The following KIAA2012 variants were observed in gnomAD, a reference collection of about 807,000 sequenced individuals.
KIAA2012 encodes the protein KIAA2012.
KIAA2012 carries 125 observed loss-of-function variants against 150.6 expected under a neutral mutation model. The ratio of observed to expected loss-of-function variants is 0.83; its 90% confidence interval spans 0.72 to 0.96. The LOEUF (loss-of-function observed/expected upper bound fraction) is 0.96, where lower values mean the gene tolerates loss of function less well. Ranked by LOEUF, KIAA2012 falls within the 40% of genes least tolerant of loss-of-function variation. The pLI is 0.00. For missense variants in KIAA2012, 1,219 were observed against 1,354.9 expected (o/e 0.90, Z 1.57); for synonymous variants, 462 against 504.7 (o/e 0.92, Z 1.13).
intron 15 of KIAA2012, among the ~76,000 whole-genome samples, chr2:202,174,201 G>T (rs1251507882): frequency 6.6e-6 from 1 of 152,144 alleles, no homozygotes; most frequent in African/African-American, 2.4e-5. Context: ...CTGACCCCAG[G>T]TGATCCACCC....
intron 13 of KIAA2012, among the ~76,000 whole-genome samples, chr2:202,151,194 C>G (rs910284064): frequency 2.6e-5 from 4 of 152,036 alleles, no homozygotes; most frequent in Non-Finnish European, 5.9e-5. Flanking sequence ...GTCAGGAGTT[C>G]GAGACCAGCC....
At chr2:202,113,184 G>A (rs551469237) in intron 10 of KIAA2012, among the ~76,000 whole-genome samples, 152 bp from the exon 11 acceptor site, 3 of 152,330 alleles carry the variant, frequency 2.0e-5, no homozygotes, top group South Asian at 2.1e-4. Context: ...AGTCCCAGGA[G>A]TAGGGCTCAC....
chr2:202,126,616 G>A (rs1262021954), intron 12 of KIAA2012, among the ~76,000 whole-genome samples: 5 of 88,134 alleles, frequency 5.7e-5, no homozygotes, highest in Admixed American at 2.6e-4. Flanking sequence ...AAATGATGAT[G>A]ATGGTGGTGG....
At chr2:202,075,831 G>A (rs1689312311) in intron 2 of KIAA2012, among the ~76,000 whole-genome samples, 1 of 152,182 alleles carries the variant, frequency 6.6e-6, no homozygotes, top group Non-Finnish European at 1.5e-5. Context: ...TAGAAATGGT[G>A]GGTGACTCCC....
chr2:202,076,994 A>G (rs1263499883), intron 2 of KIAA2012: 1 of 457,004 alleles, frequency 2.2e-6, no homozygotes, highest in African/African-American at 2.0e-5. Flanking sequence ...GGAAGACCAC[A>G]GTATTTCTCC....
intron 15 of KIAA2012, among the ~76,000 whole-genome samples, chr2:202,170,576 C>T (rs1410368925): frequency 3.3e-5 from 5 of 152,204 alleles, no homozygotes; most frequent in Admixed American, 2.6e-4. Context: ...CTGCAGCTCC[C>T]GCTTTGGTGG....
At chr2:202,131,560 G>A (rs370924296) in intron 12 of KIAA2012, among the ~76,000 whole-genome samples, 6 of 152,252 alleles carry the variant, frequency 3.9e-5, no homozygotes, top group Non-Finnish European at 5.9e-5. Context: ...GAGAGACCAC[G>A]TCCATGCCTT....
At chr2:202,179,305 G>A in intron 15 of KIAA2012, 2 of 1,197,200 alleles carry the variant, frequency 1.7e-6, no homozygotes, top group Admixed American at 1.7e-5. Flanking sequence ...ATGGCGGAGC[G>A]CGGTACGGCT....
chr2:202,119,128 C>T (rs1410000251), intron 11 of KIAA2012, among the ~76,000 whole-genome samples: 1 of 152,026 alleles, frequency 6.6e-6, no homozygotes, highest in Non-Finnish European at 1.5e-5. Context: ...AAAAATTAGC[C>T]AGGCATGATG....
At chr2:202,150,399 TGGTTTGTTTGTTTGGTGTGG>T in intron 13 of KIAA2012, among the ~76,000 whole-genome samples, 1 of 152,160 alleles carries the variant, frequency 6.6e-6, no homozygotes, top group East Asian at 1.9e-4. Flanking sequence ...TCAGTTTTTT[TGGTTTGTTTGTTTGGTGTGG>T]GGTTTTTTTG....
intron 14 of KIAA2012, among the ~76,000 whole-genome samples, chr2:202,160,843 T>C (rs1299135060): frequency 6.6e-6 from 1 of 152,184 alleles, no homozygotes; most frequent in African/African-American, 2.4e-5. Context: ...TTATTATTAC[T>C]CCCATTTCAC....
At chr2:202,184,151 C>T (rs1692177982) in intron 15 of KIAA2012, among the ~76,000 whole-genome samples, 1 of 151,998 alleles carries the variant, frequency 6.6e-6, no homozygotes, top group South Asian at 2.1e-4. Flanking sequence ...TTTGGGAGGC[C>T]AAGGTGGGTG....
chr2:202,086,003 A>G (rs1002050921), intron 2 of KIAA2012, among the ~76,000 whole-genome samples: 2 of 151,886 alleles, frequency 1.3e-5, no homozygotes, highest in Non-Finnish European at 1.5e-5. Context: ...CCCCATCTCT[A>G]CTAAAAATAC....
chr2:202,196,240 G>A (rs988121209), intron 21 of KIAA2012, among the ~76,000 whole-genome samples: 1 of 133,742 alleles, frequency 7.5e-6, no homozygotes, highest in African/African-American at 2.8e-5. Flanking sequence ...TGTCGCCAAG[G>A]CTTGAGTGCA....
intron 23 of KIAA2012, among the ~76,000 whole-genome samples, chr2:202,204,719 ATTTT>A (rs1692606397): frequency 6.7e-6 from 1 of 148,594 alleles, no homozygotes; most frequent in Non-Finnish European, 1.5e-5. Flanking sequence ...TTTGATACTT[ATTTT>A]AACTCCTTTT....
chr2:202,100,000 C>T (rs982532350), intron 6 of KIAA2012, among the ~76,000 whole-genome samples: 8 of 152,222 alleles, frequency 5.3e-5, no homozygotes, highest in African/African-American at 1.9e-4. Context: ...GGAAATCATA[C>T]TGTCTGGGCT....
In KIAA2012 at chr2:202,109,608, T is replaced by TA; in HGVS notation, c.1475-2dup. On this transcript the variant is annotated splice_polypyrimidine_tract_variant and splice_region_variant and intron_variant, in intron 9 of 23. Coordinates refer to ENST00000498697, the MANE Select transcript of KIAA2012 (RefSeq NM_001277372.4). ...CACAGGCTTTTTCCCCTTTTGTTTT[T>TA]AAAGATGATGATGCCCCACCTCACG... 1 of 1,514,410 alleles carries TA rather than the reference T, an allele frequency of 6.6e-7. No individual in the cohort carries two copies. Among genetic ancestry groups the TA allele is most frequent in the South Asian group, 1.3e-5 (1 of 78,206 alleles). The allele number at this position is 1,514,410 out of a possible 1,614,324, so 93.8% of individuals were successfully genotyped here.
intron 3 of KIAA2012, among the ~76,000 whole-genome samples, chr2:202,092,607 GC>G (rs144917749): frequency 0.011 from 1,671 of 152,274 alleles, 36 homozygotes; most frequent in Admixed American, 0.038. Flanking sequence ...CGAGGGGTGG[GC>G]CCATTGGGAA....
chr2:202,099,694 G>A lies in KIAA2012; in HGVS notation c.910G>A (p.Ala304Thr). 6.4e-7 allele frequency: 1 copy of A among 1,550,540 alleles called. No homozygotes were observed. The highest frequency in any genetic ancestry group is 8.7e-7 in the Non-Finnish European group (1 of 1,146,944). Reference sequence around the variant, plus strand: ...AAAGACACAGCAAACCTCCAGGAAGGCCTTTGGGCATGGCCGCATCGATCA... The same window carrying A: ...AAAGACACAGCAAACCTCCAGGAAGACCTTTGGGCATGGCCGCATCGATCA... ...NEKTQQTSRKAFGHGRIDHSW... is the reference protein window; with the variant it reads ...NEKTQQTSRKTFGHGRIDHSW... The change falls in exon 6 of 24, where the codon GCC (alanine) becomes ACC (threonine). Residue 304 changes from alanine to threonine, a missense_variant. Physicochemically the swap from Ala to Thr is moderately conservative, Grantham distance 58 (BLOSUM62 0). Transcript: ENST00000498697.
Sources: gnomAD v4.1 joint callset for allele counts (sites outside exome capture counted in the v4.1 genomes callset) on GRCh38, gnomAD v4.1.1 for gene constraint, MANE v1.5 for transcripts, NCBI Gene and HGNC (gene_info 2026-07-23, HGNC 2026-07-21) for gene names.